LRIG2: variants seen among roughly 807,000 people sequenced by gnomAD.
LRIG2 encodes leucine-rich repeats and immunoglobulin-like domains protein 2.
LRIG2 carries 93 observed loss-of-function variants against 107.8 expected under a neutral mutation model. That is an observed-to-expected ratio of 0.86 (90% confidence interval 0.73 to 1.03). The LOEUF (loss-of-function observed/expected upper bound fraction) is 1.03, where lower values mean the gene tolerates loss of function less well. LRIG2 is among the 50% of genes least tolerant of loss of function. The probability of loss-of-function intolerance (pLI) is 0.00; values close to 1 mark genes in which losing one functional copy is unlikely to be tolerated. For synonymous variants in LRIG2, 471 were observed against 470.6 expected (o/e 1.00, Z -0.01); for missense variants, 1,226 against 1,296.0 (o/e 0.95, Z 0.83).
At chr1:113,086,651 G>C (rs1211091444) in intron 1 of LRIG2, among the ~76,000 whole-genome samples, 1 of 152,132 alleles carries the variant, frequency 6.6e-6, no homozygotes, top group Non-Finnish European at 1.5e-5. Context: ...TGTTGTGATT[G>C]CTTTGTACAT....
rs761099639 is a variant in LRIG2, at chr1:113,098,742, G to A, written c.1129G>A (p.Asp377Asn). 6.2e-7 allele frequency: 1 copy of A among 1,613,118 alleles called. No individual in the cohort carries two copies. The highest frequency in any genetic ancestry group is 1.7e-5 in the Admixed American group (1 of 60,010). The part of the protein sequence containing the change: ...RNNEISWAIE[D>N]ASEAFAGLTS... Reference sequence around the variant, plus strand: ...CAATGAAATTTCATGGGCCATAGAAGATGCTAGTGAAGCCTTTGCTGGACT... The same window carrying A: ...CAATGAAATTTCATGGGCCATAGAAAATGCTAGTGAAGCCTTTGCTGGACT... The change falls in exon 9 of 18, where the codon GAT becomes AAT. Residue 377 changes from aspartate (D) to asparagine (N), a missense_variant. Asp to Asn is a conservative substitution (Grantham distance 23, BLOSUM62 1). Transcript: ENST00000361127.
intron 12 of LRIG2, among the ~76,000 whole-genome samples, chr1:113,108,750 G>A (rs1322113941): frequency 1.3e-5 from 2 of 151,876 alleles, no homozygotes; most frequent in Non-Finnish European, 2.9e-5. Context: ...GGTGGCACAC[G>A]CCTGTAATCC....
At chr1:113,120,696 G>A (rs1655211486) in intron 17 of LRIG2, among the ~76,000 whole-genome samples, 1 of 151,482 alleles carries the variant, frequency 6.6e-6, no homozygotes, top group South Asian at 2.1e-4. Flanking sequence ...TTTTAGTAGA[G>A]ATGGGGTTTC....
chr1:113,094,336 T>A lies in LRIG2; in HGVS notation c.516-3T>A. On this transcript the variant is annotated splice_region_variant and splice_polypyrimidine_tract_variant and intron_variant, in intron 4 of 17. Transcript: ENST00000361127. ...TCTTTTGCTATTATCTTGTTTATTT[T>A]AGGAATTTAAGTAATAACAGAATAA... The A allele has an allele frequency of 6.3e-7, 1 of 1,591,250 alleles. No homozygotes were observed. The highest frequency in any genetic ancestry group is 8.5e-7 in the Non-Finnish European group (1 of 1,173,658).
Position 113,073,481 on chromosome 1 carries a change from C to T in LRIG2, c.75C>T (p.Leu25=). ...GCRSRVLSRL[L]FIAQTALLLL... ...GATCTAGAGTGCTTTCTCGGTTACT[C>T]TTCATTGCCCAGACCGCTCTCCTCC... The change falls in exon 1 of 18, where the codon CTC becomes CTT. Residue 25 remains leucine, a synonymous_variant. Coordinates refer to ENST00000361127, the MANE Select transcript of LRIG2 (RefSeq NM_014813.3). The T allele has an allele frequency of 6.2e-7, 1 of 1,614,176 alleles. No individual in the cohort carries two copies. The highest frequency in any genetic ancestry group is 8.5e-7 in the Non-Finnish European group (1 of 1,180,022).
intron 1 of LRIG2, among the ~76,000 whole-genome samples, chr1:113,073,915 GC>G (rs1652831712): frequency 1.3e-5 from 2 of 148,366 alleles, no homozygotes; most frequent in Non-Finnish European, 3.0e-5. Context: ...AGGAAATGGG[GC>G]GGGCATATTT....
intron 1 of LRIG2, among the ~76,000 whole-genome samples, chr1:113,086,680 CT>C (rs1231027632): frequency 3.3e-5 from 5 of 152,146 alleles, no homozygotes; most frequent in African/African-American, 9.7e-5. Context: ...TAATTTACCC[CT>C]GATGGTACTA....
chr1:113,081,154 C>G (rs1483856335), intron 1 of LRIG2, among the ~76,000 whole-genome samples: 1 of 152,138 alleles, frequency 6.6e-6, no homozygotes, highest in African/African-American at 2.4e-5. Context: ...AAAGTTATTA[C>G]TAACTCTGGT....
chr1:113,073,273 C>G lies in LRIG2; in HGVS notation c.-134C>G. 1 of 753,894 alleles carries G rather than the reference C, an allele frequency of 1.3e-6. No individual in the cohort carries two copies. The highest frequency in any genetic ancestry group is 2.3e-6 in the Non-Finnish European group (1 of 440,166). The allele number at this position is 753,894 out of a possible 1,614,324, so 46.7% of individuals were successfully genotyped here. ...TCGCGCTGCGTCTGCTCCTTGCATG[C>G]CTTTAGATGGTACAGCCTTCAGCCG... On this transcript the variant is annotated 5_prime_UTR_variant, in exon 1 of 18. Transcript: ENST00000361127.
At chr1:113,088,935 C>T (rs1454401229) in intron 1 of LRIG2, among the ~76,000 whole-genome samples, 1 of 152,174 alleles carries the variant, frequency 6.6e-6, no homozygotes, top group Non-Finnish European at 1.5e-5. Context: ...CTGACACCCT[C>T]CTCCATTCAT....
chr1:113,075,304 A>T (rs1035680323), intron 1 of LRIG2, among the ~76,000 whole-genome samples: 1 of 152,230 alleles, frequency 6.6e-6, no homozygotes, highest in Non-Finnish European at 1.5e-5. Context: ...TAGAATACAA[A>T]TAAGAGGTGT....
In LRIG2 at chr1:113,112,744, T is replaced by G. The variant is rs1654828467; in HGVS notation, c.2064T>G (p.Ala688=). The G allele has an allele frequency of 1.9e-6, 3 of 1,605,490 alleles. No homozygotes were observed. In the East Asian group the frequency reaches 6.7e-5, roughly 36 times the overall value. Residue 688 remains alanine, a synonymous_variant, in exon 14 of 18, where the codon GCT becomes GCG. Transcript: ENST00000361127. ...CAGCAGGAGGTCTCTCAGCAAATGC[T>G]TCCCTAACAGTGTTAGGTACGTTTA... ...QNTAGGLSAN[A]SLTVLETPSF...
chr1:113,122,489 A>G (rs924600156), intron 17 of LRIG2, among the ~76,000 whole-genome samples: 2 of 152,222 alleles, frequency 1.3e-5, no homozygotes, highest in South Asian at 2.1e-4. Flanking sequence ...TGTTCATGAA[A>G]GAAATGCATC....
chr1:113,082,783 A>G (rs890260356), intron 1 of LRIG2, among the ~76,000 whole-genome samples: 1 of 152,010 alleles, frequency 6.6e-6, no homozygotes, highest in Non-Finnish European at 1.5e-5. Flanking sequence ...CCTCCTGAAT[A>G]GCTGGGATTA....
intron 8 of LRIG2, among the ~76,000 whole-genome samples, chr1:113,097,745 T>TC (rs1323276185): frequency 6.6e-6 from 1 of 152,236 alleles, no homozygotes; most frequent in Non-Finnish European, 1.5e-5. Flanking sequence ...TCTGGGGAAT[T>TC]CTGGCTTTAG....
At chr1:113,102,578 TA>T (rs1296607131) in intron 11 of LRIG2, among the ~76,000 whole-genome samples, 4 of 152,172 alleles carry the variant, frequency 2.6e-5, no homozygotes, top group Admixed American at 6.5e-5. Flanking sequence ...CCTGTCAAGA[TA>T]TTTTTTTTTT....
chr1:113,098,345 C>A (rs1247448414), intron 8 of LRIG2, among the ~76,000 whole-genome samples: 2 of 152,144 alleles, frequency 1.3e-5, no homozygotes, highest in Admixed American at 6.5e-5. Context: ...AAGCCATATA[C>A]CCTGCATCTT....
intron 1 of LRIG2, among the ~76,000 whole-genome samples, chr1:113,077,793 T>A (rs1279911871): frequency 6.6e-6 from 1 of 151,918 alleles, no homozygotes; most frequent in Non-Finnish European, 1.5e-5. Context: ...CTTGCAGGTT[T>A]GTTACATATG....
In LRIG2 at chr1:113,129,012, C is replaced by T. The variant is rs2101081001; in HGVS notation, c.*4911C>T. Reference sequence around the variant, plus strand: ...AGAGAGCAGAAGATAGCCTGTGAGCCAGTGCTCTAGAAAACATCATGTAGG... The same window carrying T: ...AGAGAGCAGAAGATAGCCTGTGAGCTAGTGCTCTAGAAAACATCATGTAGG... On this transcript the variant is annotated 3_prime_UTR_variant, in exon 18 of 18. Coordinates refer to ENST00000361127, the MANE Select transcript of LRIG2 (RefSeq NM_014813.3). 1 of 152,148 alleles carries T rather than the reference C, an allele frequency of 6.6e-6. No homozygotes were observed. Among genetic ancestry groups the T allele is most frequent in the South Asian group, 2.1e-4 (1 of 4,806 alleles). 9.4% of individuals were successfully genotyped at this position (152,148 alleles called of 1,614,324 possible).
Sources: allele counts gnomAD v4.1 joint callset (sites outside exome capture counted in the v4.1 genomes callset), GRCh38; gene constraint gnomAD v4.1.1; transcripts MANE v1.5; gene names NCBI Gene and HGNC (gene_info 2026-07-23, HGNC 2026-07-21).